DLC1: variants seen among roughly 807,000 people sequenced by gnomAD.
The protein encoded by DLC1 is DLC1 Rho GTPase activating protein.
DLC1 carries 54 observed loss-of-function variants against 140.3 expected under a neutral mutation model. The ratio of observed to expected loss-of-function variants is 0.38; its 90% CI spans 0.31 to 0.48. The LOEUF is 0.48. Ranked by LOEUF, DLC1 falls within the 20% of genes least tolerant of loss-of-function variation. DLC1 has a pLI of 0.96. For missense variants in DLC1, 2,536 were observed against 1,907.0 expected (o/e 1.33, Z -6.14); for synonymous variants, 986 against 728.1 (o/e 1.35, Z -5.70).
chr8:13,133,063 G>C, intron 5 of DLC1: 1 of 1,556,814 alleles, frequency 6.4e-7, no homozygotes. Context: ...GGGACCCACG[G>C]CGGCACCCGA....
intron 4 of DLC1, among the ~76,000 whole-genome samples, chr8:13,347,104 A>C (rs960036175): frequency 6.6e-6 from 1 of 152,214 alleles, no homozygotes; most frequent in African/African-American, 2.4e-5. Context: ...CATAGTATAC[A>C]CAGGGTTTGG....
At chr8:13,141,256 C>CAGAAAAAA (rs1822967332) in intron 5 of DLC1, among the ~76,000 whole-genome samples, 2 of 63,806 alleles carry the variant, frequency 3.1e-5, no homozygotes, top group African/African-American at 1.7e-4. Flanking sequence ...GAGTCTGTCT[C>CAGAAAAAA]AAAAAAAAAA....
At chr8:13,557,026 A>G (rs1048812433) in intron 1 of DLC1, among the ~76,000 whole-genome samples, 2 of 152,186 alleles carry the variant, frequency 1.3e-5, no homozygotes, top group African/African-American at 4.8e-5. Context: ...TGTCATATGC[A>G]TATTCAGGGG....
At chr8:13,352,575 C>T (rs1395085005) in intron 4 of DLC1, among the ~76,000 whole-genome samples, 2 of 151,762 alleles carry the variant, frequency 1.3e-5, no homozygotes, top group African/African-American at 4.8e-5. Context: ...GAGACAGGGC[C>T]TCCCTATGTT....
chr8:13,569,538 C>T (rs1016483693), intron 1 of DLC1, among the ~76,000 whole-genome samples: 2 of 152,024 alleles, frequency 1.3e-5, no homozygotes, highest in South Asian at 4.1e-4. Context: ...ATAATTTTCC[C>T]TTTAGAATTC....
intron 5 of DLC1, among the ~76,000 whole-genome samples, chr8:13,171,658 G>T (rs1825489454): frequency 1.3e-5 from 2 of 152,168 alleles, no homozygotes; most frequent in Admixed American, 6.6e-5. Flanking sequence ...AAAGTGCTGG[G>T]ATTACAGGTG....
intron 2 of DLC1, among the ~76,000 whole-genome samples, chr8:13,404,153 G>A (rs902755929): frequency 2.0e-5 from 3 of 152,122 alleles, no homozygotes; most frequent in South Asian, 4.1e-4. Flanking sequence ...AGATCAAAGT[G>A]GAATAGGAAA....
chr8:13,134,679 G>T (rs1412843480), intron 5 of DLC1, among the ~76,000 whole-genome samples: 8 of 152,124 alleles, frequency 5.3e-5, no homozygotes, highest in African/African-American at 1.9e-4. Flanking sequence ...AAAATGCTGG[G>T]TGAATGCAGT....
chr8:13,349,902 C>A (rs73203960), intron 4 of DLC1, among the ~76,000 whole-genome samples: 5,411 of 152,316 alleles, frequency 0.036, 146 homozygotes, highest in South Asian at 0.098. Flanking sequence ...CACAGGATGA[C>A]TGGATCCAGC....
chr8:13,350,107 C>G (rs550325879), intron 4 of DLC1, among the ~76,000 whole-genome samples: 1 of 152,174 alleles, frequency 6.6e-6, no homozygotes, highest in African/African-American at 2.4e-5. Context: ...AATGACGCCT[C>G]TGTGGCCAGA....
intron 1 of DLC1, among the ~76,000 whole-genome samples, chr8:13,551,666 CTTATT>C (rs1803856665): frequency 6.6e-6 from 1 of 151,820 alleles, no homozygotes; most frequent in African/African-American, 2.4e-5. Flanking sequence ...GGTGAGACAT[CTTATT>C]TTATCTAGAT....
At chr8:13,221,527 C>T (rs947421727) in intron 5 of DLC1, among the ~76,000 whole-genome samples, 10 of 151,176 alleles carry the variant, frequency 6.6e-5, no homozygotes, top group South Asian at 2.1e-4. Flanking sequence ...TGCACCACCA[C>T]GCCCAGCTAA....
intron 2 of DLC1, among the ~76,000 whole-genome samples, chr8:13,495,431 C>T (rs1801456357): frequency 6.6e-6 from 1 of 152,040 alleles, no homozygotes; most frequent in African/African-American, 2.4e-5. Flanking sequence ...ACCAGCCAGG[C>T]CCTGAGTGCT....
At chr8:13,554,089 C>G (rs1585268787) in intron 1 of DLC1, among the ~76,000 whole-genome samples, 1 of 151,978 alleles carries the variant, frequency 6.6e-6, no homozygotes, top group Admixed American at 6.6e-5. Context: ...TTTTTTGAGA[C>G]AGAGTCTCAC....
chr8:13,477,367 T>C (rs1287253398), intron 2 of DLC1, among the ~76,000 whole-genome samples: 1 of 152,176 alleles, frequency 6.6e-6, no homozygotes, highest in Non-Finnish European at 1.5e-5. Context: ...ATCAGGTATG[T>C]ACAGCCACTA....
chr8:13,103,625 A>T (rs1024904504), intron 7 of DLC1, among the ~76,000 whole-genome samples: 1 of 151,864 alleles, frequency 6.6e-6, no homozygotes, highest in African/African-American at 2.4e-5. Flanking sequence ...GATCACCTGA[A>T]GTCAGGAGTT....
At chr8:13,178,218 C>G (rs1418617604) in intron 5 of DLC1, among the ~76,000 whole-genome samples, 1 of 152,086 alleles carries the variant, frequency 6.6e-6, no homozygotes, top group Non-Finnish European at 1.5e-5. Context: ...CTGGGGATGG[C>G]CAAAGTCTTC....
intron 4 of DLC1, among the ~76,000 whole-genome samples, chr8:13,367,311 C>A (rs1193352925): frequency 6.6e-6 from 1 of 152,150 alleles, no homozygotes; most frequent in African/African-American, 2.4e-5. Flanking sequence ...AGATCATGAA[C>A]TGTGAGGAAA....
intron 2 of DLC1, among the ~76,000 whole-genome samples, chr8:13,431,076 T>C (rs1838840680): frequency 1.3e-5 from 2 of 152,168 alleles, no homozygotes; most frequent in African/African-American, 4.8e-5. Context: ...GAGTTTGAGC[T>C]CTTTAGGTTG....
Sources: allele counts gnomAD v4.1 joint callset (sites outside exome capture counted in the v4.1 genomes callset), GRCh38; gene constraint gnomAD v4.1.1; transcripts MANE v1.5; gene names NCBI Gene and HGNC (gene_info 2026-07-23, HGNC 2026-07-21).